The following NLK variants were observed in gnomAD, a reference collection of about 807,000 sequenced individuals.
NLK encodes the protein nemo like kinase, also known as serine/threonine-protein kinase NLK.
In NLK, 11 loss-of-function variants were observed where a neutral mutation model predicts 59.0. The ratio of observed to expected loss-of-function variants is 0.19; its 90% confidence interval spans 0.12 to 0.31. NLK has a LOEUF of 0.31. NLK is among the 10% of genes least tolerant of loss of function. The probability of loss-of-function intolerance (pLI) is 1.00; values close to 1 mark genes in which losing one functional copy is unlikely to be tolerated. For synonymous variants in NLK, 235 were observed against 235.9 expected (o/e 1.00, Z 0.03); for missense variants, 410 against 661.1 (o/e 0.62, Z 4.16).
chr17:28,192,972 C>T (rs535564240), intron 10 of NLK, among the ~76,000 whole-genome samples: 1 of 152,180 alleles, frequency 6.6e-6, no homozygotes, highest in Non-Finnish European at 1.5e-5. Flanking sequence ...GAGCTATGAA[C>T]CTACATTGGA....
At chr17:28,106,015 A>G (rs1383045830) in intron 1 of NLK, among the ~76,000 whole-genome samples, 2 of 152,182 alleles carry the variant, frequency 1.3e-5, no homozygotes, top group Non-Finnish European at 2.9e-5. Context: ...TCAGGAGTAA[A>G]TTGCAGTATT....
chr17:28,073,795 A>T (rs2142759164), intron 1 of NLK, among the ~76,000 whole-genome samples: 1 of 152,012 alleles, frequency 6.6e-6, no homozygotes, highest in South Asian at 2.1e-4. Context: ...AGAATGAATT[A>T]CTCTTTTACG....
intron 1 of NLK, among the ~76,000 whole-genome samples, chr17:28,092,950 C>T (rs572574790): frequency 6.6e-6 from 1 of 152,078 alleles, no homozygotes; most frequent in Middle Eastern, 3.4e-3. Flanking sequence ...CATGTGCCAC[C>T]AAGCCCAGCT....
intron 1 of NLK, among the ~76,000 whole-genome samples, chr17:28,119,160 T>A (rs1249802021): frequency 6.6e-6 from 1 of 152,186 alleles, no homozygotes; most frequent in Non-Finnish European, 1.5e-5. Context: ...AATAAAAGAA[T>A]TCCTGTATAA....
chr17:28,195,009 AC>A lies in NLK; in HGVS notation c.*374del. ...CACACACACACACACACACACACAC[AC>A]ACACAAACACAAAGGACAGTCATAC... On this transcript the variant is annotated 3_prime_UTR_variant, in exon 11 of 11. Coordinates refer to ENST00000407008, the MANE Select transcript of NLK (RefSeq NM_016231.5). The A allele has an allele frequency of 6.1e-6, 1 of 165,028 alleles. No individual in the cohort carries two copies. The highest frequency in any genetic ancestry group is 1.3e-5 in the Non-Finnish European group (1 of 76,360). 10.2% of individuals were successfully genotyped at this position (165,028 alleles called of 1,614,324 possible).
intron 2 of NLK, among the ~76,000 whole-genome samples, chr17:28,125,089 A>G (rs1367597966): frequency 6.6e-6 from 1 of 152,100 alleles, no homozygotes; most frequent in Non-Finnish European, 1.5e-5. Flanking sequence ...TAATGATGTC[A>G]ATGGCTTACT....
intron 10 of NLK, among the ~76,000 whole-genome samples, 178 bp downstream of exon 10, chr17:28,192,391 G>C (rs990621385): frequency 9.8e-5 from 15 of 152,290 alleles, no homozygotes; most frequent in African/African-American, 3.6e-4. Context: ...CATCTGGGCT[G>C]GGCGCGGTAG....
At chr17:28,120,262 GTGTGTGTGTGTA>G (rs1209802597) in intron 1 of NLK, among the ~76,000 whole-genome samples, 92 of 151,172 alleles carry the variant, frequency 6.1e-4, no homozygotes, top group African/African-American at 1.9e-3. Flanking sequence ...GTGTGTGTGT[GTGTGTGTGTGTA>G]TGTGTGTGTG....
At chr17:28,051,740 C>T (rs1371502871) in intron 1 of NLK, among the ~76,000 whole-genome samples, 1 of 151,776 alleles carries the variant, frequency 6.6e-6, no homozygotes, top group Non-Finnish European at 1.5e-5. Context: ...GCCTTGCTGC[C>T]AACAACCCTG....
At chr17:28,180,158 C>G (rs377535413) in intron 7 of NLK, among the ~76,000 whole-genome samples, 1 of 152,064 alleles carries the variant, frequency 6.6e-6, no homozygotes, top group Non-Finnish European at 1.5e-5. Context: ...TATGGCTGTT[C>G]TAGGCTGAAA....
At chr17:28,158,276 C>T (rs979790042) in intron 3 of NLK, among the ~76,000 whole-genome samples, 3 of 152,072 alleles carry the variant, frequency 2.0e-5, no homozygotes, top group African/African-American at 4.8e-5. Flanking sequence ...TATATCTAAA[C>T]GTATCTGAAC....
Position 28,152,991 on chromosome 17 carries a change from C to T in NLK, c.645-8169C>T, listed in dbSNP as rs538182443. On this transcript the variant is annotated intron_variant, in intron 3 of 10. Transcript: ENST00000407008. ...TTTTCCTGTATAAAAGCTCAAGTTTCGGCCAGGCACAGTGGCTCATGCCTG... is the reference window on the plus strand; with the variant it reads ...TTTTCCTGTATAAAAGCTCAAGTTTTGGCCAGGCACAGTGGCTCATGCCTG... Among the ~76,000 whole-genome samples the T allele has an allele frequency of 3.5e-4, 53 of 151,124 alleles. 1 individual carries two copies. Among genetic ancestry groups the T allele is most frequent in the Non-Finnish European group, 6.2e-4 (42 of 67,796 alleles).
intron 1 of NLK, among the ~76,000 whole-genome samples, chr17:28,094,706 A>C (rs1247130801): frequency 6.6e-6 from 1 of 152,190 alleles, no homozygotes; most frequent in Non-Finnish European, 1.5e-5. Flanking sequence ...GGTGAAAATA[A>C]GCATCTGGTA....
At chr17:28,114,149 T>A (rs1440342497) in intron 1 of NLK, among the ~76,000 whole-genome samples, 1 of 152,220 alleles carries the variant, frequency 6.6e-6, no homozygotes, top group Admixed American at 6.5e-5. Context: ...ACATTCTGTT[T>A]GTGGATATTT....
chr17:28,062,949 G>T (rs2142748764), intron 1 of NLK, among the ~76,000 whole-genome samples: 1 of 152,152 alleles, frequency 6.6e-6, no homozygotes, highest in Admixed American at 6.5e-5. Context: ...TTTTTATTTT[G>T]GTTTTTGAGA....
At chr17:28,110,994 G>A (rs1239121284) in intron 1 of NLK, among the ~76,000 whole-genome samples, 1 of 151,360 alleles carries the variant, frequency 6.6e-6, no homozygotes, top group Non-Finnish European at 1.5e-5. Context: ...ACAGGCGCCC[G>A]CCACTACGCC....
chr17:28,091,887 A>G (rs1254508447), intron 1 of NLK, among the ~76,000 whole-genome samples: 2 of 152,204 alleles, frequency 1.3e-5, no homozygotes, highest in Non-Finnish European at 2.9e-5. Context: ...CCCATCTTCC[A>G]AAATAAAAAG....
At chr17:28,060,178 TC>T (rs1909583531) in intron 1 of NLK, among the ~76,000 whole-genome samples, 1 of 152,086 alleles carries the variant, frequency 6.6e-6, no homozygotes, top group Non-Finnish European at 1.5e-5. Context: ...AAAAATGAAG[TC>T]CAAGTGGATT....
At chr17:28,130,175 T>A (rs1906459136) in intron 2 of NLK, among the ~76,000 whole-genome samples, 1 of 152,218 alleles carries the variant, frequency 6.6e-6, no homozygotes, top group Non-Finnish European at 1.5e-5. Context: ...TCTCACATAC[T>A]TTATTCCCTC....
Sources: gnomAD v4.1 joint callset for allele counts (sites outside exome capture counted in the v4.1 genomes callset) on GRCh38, gnomAD v4.1.1 for gene constraint, MANE v1.5 for transcripts, NCBI Gene and HGNC (gene_info 2026-07-23, HGNC 2026-07-21) for gene names.